AUTS2: variants seen among roughly 807,000 people sequenced by gnomAD.
The protein encoded by AUTS2 is activator of transcription and developmental regulator AUTS2.
A neutral mutation model predicts 112.4 loss-of-function variants in AUTS2; 17 were observed. The ratio of observed to expected loss-of-function variants is 0.15; its 90% CI spans 0.10 to 0.23. AUTS2 has a LOEUF of 0.23. Ranked by LOEUF, AUTS2 falls within the 10% of genes least tolerant of loss-of-function variation. The pLI, the probability that AUTS2 is intolerant of heterozygous loss-of-function variation, is 1.00. For synonymous variants in AUTS2, 751 were observed against 702.7 expected, an observed-to-expected ratio of 1.07 and a Z score of -1.09; for missense variants, 1,510 against 1,701.6, an observed-to-expected ratio of 0.89 and a Z score of 1.98.
In AUTS2 at chr7:70,526,517, C is replaced by A. The variant is rs183735410; in HGVS notation, c.690+90736C>A. On this transcript the variant is annotated intron_variant, in intron 5 of 18. Coordinates refer to ENST00000342771, the MANE Select transcript of AUTS2 (RefSeq NM_015570.4). Reference sequence around the variant, plus strand: ...TGAAACCCCATCTCTACTAAAAATACATAAATTAGCCAGGCGTGGTGGCAC... The same window carrying A: ...TGAAACCCCATCTCTACTAAAAATAAATAAATTAGCCAGGCGTGGTGGCAC... Among the ~76,000 whole-genome samples, 521 of 152,226 alleles carry A rather than the reference C, an allele frequency of 3.4e-3. 4 individuals carry two copies. The highest frequency in any genetic ancestry group is 0.012 in the African/African-American group (501 of 41,552).
intron 5 of AUTS2, among the ~76,000 whole-genome samples, chr7:70,592,053 T>G (rs1438066165): frequency 6.6e-6 from 1 of 152,196 alleles, no homozygotes; most frequent in Non-Finnish European, 1.5e-5. Flanking sequence ...TCTATAAAAT[T>G]AGAAAGTTAT....
At chr7:70,252,237 C>T (rs1786639557) in intron 4 of AUTS2, among the ~76,000 whole-genome samples, 1 of 152,152 alleles carries the variant, frequency 6.6e-6, no homozygotes, top group Admixed American at 6.5e-5. Flanking sequence ...TATTAAGTTA[C>T]ATTCCCATGA....
intron 5 of AUTS2, among the ~76,000 whole-genome samples, chr7:70,618,637 C>T (rs777697546): frequency 1.3e-5 from 2 of 152,116 alleles, no homozygotes; most frequent in Non-Finnish European, 2.9e-5. Context: ...AAAGCAGTGC[C>T]GTGGGTTAGG....
chr7:70,013,964 C>T (rs556557063), intron 2 of AUTS2, among the ~76,000 whole-genome samples: 2 of 152,196 alleles, frequency 1.3e-5, no homozygotes, highest in Non-Finnish European at 2.9e-5. Context: ...GATCCACCCA[C>T]CTCGGCCTCC....
intron 4 of AUTS2, among the ~76,000 whole-genome samples, chr7:70,366,601 A>G (rs1385794004): frequency 6.6e-6 from 1 of 152,202 alleles, no homozygotes; most frequent in Admixed American, 6.5e-5. Context: ...TTTGGATATC[A>G]GTGAGGTGAT....
At chr7:70,465,458 A>G (rs1387943852) in intron 5 of AUTS2, among the ~76,000 whole-genome samples, 2 of 152,232 alleles carry the variant, frequency 1.3e-5, no homozygotes, top group African/African-American at 4.8e-5. Context: ...GAGGACAGGT[A>G]AAATCCTTGG....
intron 1 of AUTS2, among the ~76,000 whole-genome samples, chr7:69,792,708 C>T (rs901422874): frequency 7.2e-5 from 11 of 152,048 alleles, no homozygotes; most frequent in Non-Finnish European, 1.0e-4. Flanking sequence ...AGTGAATCTA[C>T]GAGACTGAGT....
chr7:70,714,563 C>T (rs998840307), intron 6 of AUTS2, among the ~76,000 whole-genome samples: 3 of 152,184 alleles, frequency 2.0e-5, no homozygotes, highest in Admixed American at 1.3e-4. Flanking sequence ...CTGTGCACAT[C>T]AGGATACAAA....
intron 2 of AUTS2, among the ~76,000 whole-genome samples, chr7:70,063,594 G>T (rs17365011): frequency 6.6e-6 from 1 of 152,014 alleles, no homozygotes; most frequent in Non-Finnish European, 1.5e-5. Context: ...AGAAAGTGTC[G>T]TGTAAGACAA....
chr7:69,986,318 C>T lies in AUTS2; in HGVS notation c.522+86820C>T, dbSNP rs1337544746. Among the ~76,000 whole-genome samples the T allele has an allele frequency of 2.0e-5, 3 of 152,162 alleles. No homozygotes were observed. In the East Asian group the frequency reaches 5.8e-4, roughly 29 times the overall value. ...ATTTGTTGAATGAATGCTTGAATGG[C>T]CAAAACAAGCCCCTGTTATGTGGCA... On this transcript the variant is annotated intron_variant, in intron 2 of 18. Coordinates refer to ENST00000342771, the MANE Select transcript of AUTS2 (RefSeq NM_015570.4).
intron 5 of AUTS2, among the ~76,000 whole-genome samples, chr7:70,561,542 C>T (rs764513049): frequency 6.6e-6 from 1 of 152,150 alleles, no homozygotes; most frequent in African/African-American, 2.4e-5. Context: ...GGAAGGATTG[C>T]TTGAGCCCAG....
At chr7:69,611,418 T>A (rs1266552997) in intron 1 of AUTS2, among the ~76,000 whole-genome samples, 2 of 152,210 alleles carry the variant, frequency 1.3e-5, no homozygotes, top group Non-Finnish European at 2.9e-5. Context: ...GTTAGACACT[T>A]GTGTTGTTTT....
chr7:69,711,858 T>C lies in AUTS2; in HGVS notation c.309+111896T>C, dbSNP rs537591874. On this transcript the variant is annotated intron_variant, in intron 1 of 18. Transcript: ENST00000342771. ...AATATGTGGTATGCATTATGTGTGG[T>C]ATTTTACAGTTAAAATACAACATAA... Among the ~76,000 whole-genome samples the C allele has an allele frequency of 2.0e-5, 3 of 152,334 alleles. No homozygotes were observed. In the South Asian group the frequency reaches 6.2e-4, roughly 32 times the overall value.
chr7:70,428,439 G>A lies in AUTS2; in HGVS notation c.661-7313G>A, dbSNP rs116631071. On this transcript the variant is annotated intron_variant, in intron 4 of 18. Transcript: ENST00000342771. ...TAAGAAAATAAGTGTCATGTTTTCT[G>A]CAGGTGGCTTCTTCTGAAATTGCTT... is the stretch of plus-strand genomic sequence containing the variant. 6.8e-3 allele frequency among the ~76,000 whole-genome samples: 1,043 copies of A among 152,274 alleles called. 17 individuals are homozygous for A. The highest frequency in any genetic ancestry group is 0.024 in the African/African-American group (1,007 of 41,554).
intron 5 of AUTS2, among the ~76,000 whole-genome samples, chr7:70,495,947 C>T (rs1385930503): frequency 3.4e-5 from 5 of 145,530 alleles, no homozygotes; most frequent in Non-Finnish European, 6.0e-5. Flanking sequence ...CACACACACC[C>T]CACACATGCA....
chr7:70,190,943 G>T (rs1809847178), intron 4 of AUTS2, among the ~76,000 whole-genome samples: 1 of 151,816 alleles, frequency 6.6e-6, no homozygotes, highest in East Asian at 1.9e-4. Context: ...AATTCTAGTA[G>T]AAATTTTAAC....
chr7:69,675,696 G>A (rs921686100), intron 1 of AUTS2, among the ~76,000 whole-genome samples: 6 of 151,738 alleles, frequency 4.0e-5, no homozygotes, highest in Admixed American at 3.9e-4. Context: ...TAGTGGAGAC[G>A]GGGTTTCTCT....
chr7:69,684,244 T>G (rs965740332), intron 1 of AUTS2, among the ~76,000 whole-genome samples: 1 of 152,106 alleles, frequency 6.6e-6, no homozygotes, highest in Non-Finnish European at 1.5e-5. Flanking sequence ...ATAATCCACA[T>G]GTGAGGTAGA....
intron 4 of AUTS2, among the ~76,000 whole-genome samples, chr7:70,341,866 G>A (rs922696855): frequency 2.5e-4 from 38 of 152,318 alleles, no homozygotes; most frequent in African/African-American, 8.7e-4. Context: ...GGCTGGAGAA[G>A]GTGTTTAGAA....
Sources: gnomAD v4.1 joint callset for allele counts (sites outside exome capture counted in the v4.1 genomes callset) on GRCh38, gnomAD v4.1.1 for gene constraint, MANE v1.5 for transcripts, NCBI Gene and HGNC (gene_info 2026-07-23, HGNC 2026-07-21) for gene names.